GOLM2: variants seen among roughly 807,000 people sequenced by gnomAD.
GOLM2 encodes golgi membrane protein 2.
GOLM2 carries 26 observed loss-of-function variants against 55.9 expected under a neutral mutation model. The ratio of observed to expected loss-of-function variants is 0.47; its 90% CI spans 0.34 to 0.65. The LOEUF (loss-of-function observed/expected upper bound fraction) is 0.65. Among genes scored for constraint, GOLM2 ranks in the 30% least tolerant of loss-of-function variants. The pLI, the probability that GOLM2 is intolerant of heterozygous loss-of-function variation, is 0.01. For synonymous variants in GOLM2, 165 were observed against 194.6 expected (o/e 0.85, Z 1.27); for missense variants, 486 against 531.8 (o/e 0.91, Z 0.85).
At chr15:44,379,864 T>G in intron 7 of GOLM2, 76 bp downstream of exon 7, 1 of 812,544 alleles carries the variant, frequency 1.2e-6, no homozygotes, top group Non-Finnish European at 2.0e-6. Context: ...GTATAAAATA[T>G]ATCACTTAGC....
At chr15:44,402,687 C>T in intron 8 of GOLM2, 200 bp from the exon 9 acceptor site, 1 of 439,986 alleles carries the variant, frequency 2.3e-6, no homozygotes, top group Non-Finnish European at 4.0e-6. Context: ...AAGAGAAATT[C>T]TTAATAAAAA....
intron 6 of GOLM2, among the ~76,000 whole-genome samples, chr15:44,340,226 A>T (rs183055458): frequency 9.5e-4 from 144 of 150,920 alleles, no homozygotes; most frequent in African/African-American, 3.4e-3. Flanking sequence ...GATTACAAAC[A>T]TGGGTCACTG....
In GOLM2 at chr15:44,336,780, G is replaced by A. The variant is rs565043048; in HGVS notation, c.577-983G>A. On this transcript the variant is annotated intron_variant, in intron 4 of 9. Coordinates refer to ENST00000299957, the MANE Select transcript of GOLM2 (RefSeq NM_138423.4). ...AAATACAAAAAATTAGCCGGGTGTG[G>A]TGGTGGGCACCTGTAGTCCCAGTTA... Among the ~76,000 whole-genome samples, 104 of 152,124 alleles carry A rather than the reference G, an allele frequency of 6.8e-4. No individual in the cohort carries two copies. In the South Asian group the frequency reaches 0.021, roughly 30 times the overall value.
At chr15:44,345,745 C>T (rs973800793) in intron 6 of GOLM2, 1 of 152,112 alleles carries the variant, frequency 6.6e-6, no homozygotes, top group Non-Finnish European at 1.5e-5. Context: ...GGGAAACCCT[C>T]TATAGGTATA....
intron 9 of GOLM2, among the ~76,000 whole-genome samples, chr15:44,407,817 T>G (rs1309322634): frequency 6.6e-6 from 1 of 150,526 alleles, no homozygotes. Flanking sequence ...AATGGCGTAA[T>G]CTCAGCTCAC....
chr15:44,335,329 C>T lies in GOLM2; in HGVS notation c.577-2434C>T, dbSNP rs544721065. Among the ~76,000 whole-genome samples the T allele has an allele frequency of 3.9e-4, 59 of 152,178 alleles. 1 individual carries two copies. Among genetic ancestry groups the T allele is most frequent in the Non-Finnish European group, 7.1e-4 (48 of 67,996 alleles). ...TAAAAACAATCAGGAGGCCCACTAA[C>T]CAAATCACAAACATTACATCTAGAA... On this transcript the variant is annotated intron_variant, in intron 4 of 9. Coordinates refer to ENST00000299957, the MANE Select transcript of GOLM2 (RefSeq NM_138423.4).
chr15:44,348,214 C>T (rs1187843779), intron 6 of GOLM2, among the ~76,000 whole-genome samples: 2 of 152,012 alleles, frequency 1.3e-5, no homozygotes, highest in African/African-American at 2.4e-5. Context: ...TGAACTTGGT[C>T]ATAGTTGGGA....
intron 8 of GOLM2, among the ~76,000 whole-genome samples, chr15:44,387,764 G>GA (rs879805357): frequency 8.7e-4 from 118 of 135,422 alleles, no homozygotes; most frequent in South Asian, 1.2e-3. Context: ...CTCTCTCAAG[G>GA]AAAAAAAAAA....
intron 6 of GOLM2, among the ~76,000 whole-genome samples, chr15:44,360,667 A>T (rs1339584472): frequency 2.0e-5 from 3 of 152,152 alleles, no homozygotes; most frequent in African/African-American, 7.2e-5. Flanking sequence ...CAACAAGGAT[A>T]CCCAGGAATT....
chr15:44,387,761 A>G (rs979450436), intron 8 of GOLM2, among the ~76,000 whole-genome samples: 1 of 151,784 alleles, frequency 6.6e-6, no homozygotes, highest in African/African-American at 2.4e-5. Flanking sequence ...ACACTCTCTC[A>G]AGGAAAAAAA....
intron 1 of GOLM2, among the ~76,000 whole-genome samples, chr15:44,318,236 G>A (rs1340448865): frequency 1.3e-5 from 2 of 151,970 alleles, no homozygotes; most frequent in African/African-American, 4.8e-5. Context: ...AAAAAAAAAT[G>A]TAACAGTCAT....
At chr15:44,373,575 G>A (rs1383555254) in intron 6 of GOLM2, among the ~76,000 whole-genome samples, 1 of 150,286 alleles carries the variant, frequency 6.7e-6, no homozygotes, top group African/African-American at 2.5e-5. Flanking sequence ...CCAACATGGT[G>A]AAACCCTGTC....
At chr15:44,315,454 A>G (rs184487137) in intron 1 of GOLM2, among the ~76,000 whole-genome samples, 55 of 152,320 alleles carry the variant, frequency 3.6e-4, no homozygotes, top group Admixed American at 1.8e-3. Context: ...GCCAAAATTA[A>G]TTTAGAGAAG....
intron 1 of GOLM2, chr15:44,308,086 C>T (rs2078850543): frequency 6.6e-6 from 1 of 152,064 alleles, no homozygotes; most frequent in African/African-American, 2.4e-5. Context: ...CTATTTTTAC[C>T]ATTTTAAGTG....
intron 6 of GOLM2, among the ~76,000 whole-genome samples, chr15:44,363,352 A>G (rs1406016785): frequency 6.6e-6 from 1 of 150,710 alleles, no homozygotes; most frequent in Non-Finnish European, 1.5e-5. Flanking sequence ...TACAAGAAAA[A>G]AACAAACAAC....
chr15:44,330,321 T>A (rs1367558784), intron 3 of GOLM2, among the ~76,000 whole-genome samples: 2 of 149,348 alleles, frequency 1.3e-5, no homozygotes, highest in Admixed American at 1.3e-4. Context: ...AAGACCAGCC[T>A]GACCAACATG....
At chr15:44,399,433 G>C (rs896143720) in intron 8 of GOLM2, among the ~76,000 whole-genome samples, 1 of 152,024 alleles carries the variant, frequency 6.6e-6, no homozygotes, top group African/African-American at 2.4e-5. Flanking sequence ...TTAACAAAGG[G>C]CAATTGTGTC....
chr15:44,303,675 C>T (rs1307237985), intron 1 of GOLM2, among the ~76,000 whole-genome samples: 1 of 151,914 alleles, frequency 6.6e-6, no homozygotes, highest in African/African-American at 2.4e-5. Flanking sequence ...AAGCAATCCT[C>T]CTGCCTCAGC....
At chr15:44,350,178 C>T (rs993910272) in intron 6 of GOLM2, among the ~76,000 whole-genome samples, 2 of 151,660 alleles carry the variant, frequency 1.3e-5, no homozygotes, top group Non-Finnish European at 2.9e-5. Context: ...GAAAACAATA[C>T]AAAAGATCAA....
Sources: allele counts gnomAD v4.1 joint callset (sites outside exome capture counted in the v4.1 genomes callset), GRCh38; gene constraint gnomAD v4.1.1; transcripts MANE v1.5; gene names NCBI Gene and HGNC (gene_info 2026-07-23, HGNC 2026-07-21).